Variants in FAM163A observed in about 807,000 individuals in gnomAD.
The protein encoded by FAM163A is family with sequence similarity 163 member A, also known as protein FAM163A.
Under a neutral mutation model 12.0 loss-of-function variants are expected in FAM163A, and 7 were observed. The observed-to-expected ratio is 0.58, with a 90% CI of 0.33 to 1.10. FAM163A has a LOEUF of 1.10. Among genes scored for constraint, FAM163A ranks in the 50% least tolerant of loss-of-function variants. The pLI is 0.03. For missense variants in FAM163A, 202 were observed against 218.6 expected (o/e 0.92, Z 0.48); for synonymous variants, 101 against 91.0 (o/e 1.11, Z -0.62).
At chr1:179,811,476 T>C (rs964571017) in intron 2 of FAM163A, among the ~76,000 whole-genome samples, 7 of 152,144 alleles carry the variant, frequency 4.6e-5, no homozygotes, top group African/African-American at 9.7e-5. Flanking sequence ...ACCTACTCAA[T>C]TGGGACCTTG....
At chr1:179,797,012 T>C (rs574524919) in intron 1 of FAM163A, among the ~76,000 whole-genome samples, 1 of 152,330 alleles carries the variant, frequency 6.6e-6, no homozygotes, top group East Asian at 1.9e-4. Flanking sequence ...CCTCCACTTC[T>C]GGGGAAGAGT....
chr1:179,761,108 A>G (rs1008098617), intron 1 of FAM163A, among the ~76,000 whole-genome samples: 1 of 152,224 alleles, frequency 6.6e-6, no homozygotes, highest in Admixed American at 6.5e-5. Context: ...TTTACATGAA[A>G]AAATAGTCAT....
chr1:179,755,044 C>T (rs545204385), intron 1 of FAM163A, among the ~76,000 whole-genome samples: 4 of 150,334 alleles, frequency 2.7e-5, no homozygotes, highest in African/African-American at 7.3e-5. Context: ...GGCTGAGGCA[C>T]GAGAATTGCT....
In FAM163A at chr1:179,777,475, C is replaced by T. The variant is rs550551972; in HGVS notation, c.-135-30323C>T. Among the ~76,000 whole-genome samples, 17 of 152,248 alleles carry T rather than the reference C, an allele frequency of 1.1e-4. No homozygotes were observed. The South Asian group carries it at 1.7e-3, about 15-fold the overall frequency. Reference sequence around the variant, plus strand: ...CCGTGAGATCAGCCTTCGTGTGCCACCCCCCACAGACCCGAAGAGCCTCTC... The same window carrying T: ...CCGTGAGATCAGCCTTCGTGTGCCATCCCCCACAGACCCGAAGAGCCTCTC... On this transcript the variant is annotated intron_variant, in intron 1 of 4. Transcript: ENST00000341785.
chr1:179,810,146 T>C (rs1694508151), intron 2 of FAM163A, among the ~76,000 whole-genome samples: 1 of 152,114 alleles, frequency 6.6e-6, no homozygotes, highest in African/African-American at 2.4e-5. Flanking sequence ...CAACCCTTGA[T>C]CCCAGAGGAC....
chr1:179,779,098 A>G, intron 1 of FAM163A, among the ~76,000 whole-genome samples: 1 of 152,254 alleles, frequency 6.6e-6, no homozygotes, highest in East Asian at 1.9e-4. Context: ...ATTCATATCA[A>G]AAAATGATGG....
At chr1:179,732,622 C>T in the FAM163A span, among the ~76,000 whole-genome samples, 3 of 152,220 alleles carry the variant, frequency 2.0e-5, no homozygotes, top group African/African-American at 7.2e-5. Context: ...TGGCTCACAC[C>T]TGCAATTCCA....
chr1:179,743,186 G>C (rs1405446663), upstream of FAM163A: 1 of 152,426 alleles, frequency 6.6e-6, no homozygotes, highest in African/African-American at 2.4e-5. Context: ...CTCTCTGGCG[G>C]GGGATTCTCC....
intron 1 of FAM163A, among the ~76,000 whole-genome samples, chr1:179,795,670 T>G (rs1692195080): frequency 6.6e-6 from 1 of 152,188 alleles, no homozygotes; most frequent in African/African-American, 2.4e-5. Flanking sequence ...GAAAATAGGC[T>G]AAGACACAGT....
upstream of FAM163A, chr1:179,742,391 G>T (rs556596339): frequency 1.3e-5 from 2 of 152,328 alleles, no homozygotes; most frequent in South Asian, 4.2e-4. Flanking sequence ...AACTGTTGAT[G>T]TAGTGGGAAC....
At chr1:179,756,899 G>A (rs1686100381) in intron 1 of FAM163A, among the ~76,000 whole-genome samples, 1 of 152,182 alleles carries the variant, frequency 6.6e-6, no homozygotes, top group South Asian at 2.1e-4. Flanking sequence ...GGGCAGTACG[G>A]GGGTCACTGA....
the FAM163A span, among the ~76,000 whole-genome samples, chr1:179,738,079 A>G: frequency 1.3e-5 from 2 of 152,166 alleles, no homozygotes; most frequent in Non-Finnish European, 2.9e-5. Context: ...AAAAGTTGGT[A>G]TCATAGAAGT....
the FAM163A span, among the ~76,000 whole-genome samples, chr1:179,735,667 C>T: frequency 2.0e-5 from 3 of 151,882 alleles, no homozygotes; most frequent in African/African-American, 7.2e-5. Flanking sequence ...CCAAGCCCGG[C>T]TAATTTTTTG....
chr1:179,769,591 A>C (rs6425592), intron 1 of FAM163A, among the ~76,000 whole-genome samples: 17,345 of 152,262 alleles, frequency 0.11, 1,091 homozygotes, highest in Non-Finnish European at 0.13. Context: ...AAATAAAGTA[A>C]CACAGCCATT....
chr1:179,793,928 A>C (rs916352045), intron 1 of FAM163A, among the ~76,000 whole-genome samples: 4 of 152,114 alleles, frequency 2.6e-5, no homozygotes, highest in African/African-American at 7.2e-5. Flanking sequence ...TATTTGTGTT[A>C]TTGCTGTCCC....
intron 1 of FAM163A, among the ~76,000 whole-genome samples, chr1:179,794,946 C>T (rs1288352295): frequency 6.6e-6 from 1 of 152,150 alleles, no homozygotes; most frequent in African/African-American, 2.4e-5. Flanking sequence ...CTAATCTCGG[C>T]CTCCCAACTC....
chr1:179,757,697 A>T (rs1471694121), intron 1 of FAM163A, among the ~76,000 whole-genome samples: 1 of 152,202 alleles, frequency 6.6e-6, no homozygotes, highest in Non-Finnish European at 1.5e-5. Flanking sequence ...CTGTAATCCC[A>T]GCTACTCAGG....
At chr1:179,766,777 C>T (rs920815351) in intron 1 of FAM163A, among the ~76,000 whole-genome samples, 2 of 150,944 alleles carry the variant, frequency 1.3e-5, no homozygotes, top group Non-Finnish European at 3.0e-5. Flanking sequence ...GGTTTGGAGA[C>T]GTAGTTTTAC....
At chr1:179,792,369 C>A (rs1466900002) in intron 1 of FAM163A, among the ~76,000 whole-genome samples, 1 of 151,308 alleles carries the variant, frequency 6.6e-6, no homozygotes, top group East Asian at 1.9e-4. Context: ...ATCTCAAACT[C>A]CTGTGCTCAA....
Sources: allele counts gnomAD v4.1 joint callset (sites outside exome capture counted in the v4.1 genomes callset), GRCh38; gene constraint gnomAD v4.1.1; transcripts MANE v1.5; gene names NCBI Gene and HGNC (gene_info 2026-07-23, HGNC 2026-07-21).